CALD1: variants seen among roughly 807,000 people sequenced by gnomAD.
The protein encoded by CALD1 is caldesmon.
CALD1 carries 33 observed loss-of-function variants against 99.9 expected under a neutral mutation model. That is an observed-to-expected ratio of 0.33 (90% CI 0.25 to 0.44). The LOEUF is 0.44. Ranked by LOEUF, CALD1 falls within the 20% of genes least tolerant of loss-of-function variation. The pLI is 1.00. For missense variants in CALD1, 861 were observed against 962.1 expected (o/e 0.89, Z 1.39); for synonymous variants, 310 against 325.0 (o/e 0.95, Z 0.50).
chr7:134,864,347 C>CAAAAA (rs71172479), intron 2 of CALD1, among the ~76,000 whole-genome samples: 1 of 126,894 alleles, frequency 7.9e-6, no homozygotes. Flanking sequence ...AACTCCATCT[C>CAAAAA]AAAAAAAAAA....
intron 1 of CALD1, among the ~76,000 whole-genome samples, chr7:134,792,219 T>C (rs1797563944): frequency 6.6e-6 from 1 of 152,108 alleles, no homozygotes; most frequent in Non-Finnish European, 1.5e-5. Flanking sequence ...GTTTCACTTG[T>C]AGATGGTTAT....
intron 3 of CALD1, among the ~76,000 whole-genome samples, chr7:134,927,856 A>G (rs1805152800): frequency 6.7e-6 from 1 of 149,170 alleles, no homozygotes; most frequent in South Asian, 2.1e-4. Context: ...AGCAAAGAAG[A>G]TATCCTACTC....
chr7:134,759,201 A>C (rs1407017360), intron 1 of CALD1, among the ~76,000 whole-genome samples: 1 of 152,240 alleles, frequency 6.6e-6, no homozygotes, highest in Non-Finnish European at 1.5e-5. Context: ...TAAGAGACCA[A>C]TCATTCCACA....
At chr7:134,742,930 C>A (rs945351217), upstream of CALD1, among the ~76,000 whole-genome samples, 1 of 152,150 alleles carries the variant, frequency 6.6e-6, no homozygotes, top group Non-Finnish European at 1.5e-5. Context: ...AGAGGTCCAC[C>A]AGATATGGAG....
chr7:134,947,691 G>A lies in CALD1; in HGVS notation c.1716G>A (p.Arg572=). The A allele has an allele frequency of 6.2e-7, 1 of 1,608,328 alleles. No individual in the cohort carries two copies. Among genetic ancestry groups the A allele is most frequent in the Non-Finnish European group, 8.5e-7 (1 of 1,177,020 alleles). The change falls in exon 8 of 15, where the codon AGG becomes AGA. Residue 572 remains arginine, a synonymous_variant. Transcript: ENST00000361675. The part of the protein sequence containing the change: ...ALELEELKKK[R]EERRKVLEEE... ...AGCTGGAGGAACTCAAGAAAAAGAG[G>A]GAGGAGAGAAGGAAGGTCCTGGAGG... is the stretch of plus-strand genomic sequence containing the variant.
chr7:134,820,958 G>T (rs879573628), intron 1 of CALD1, among the ~76,000 whole-genome samples: 11 of 151,604 alleles, frequency 7.3e-5, no homozygotes, highest in Non-Finnish European at 1.2e-4. Context: ...GAAGGAGAGG[G>T]GAGGAGAAAA....
At chr7:134,906,801 G>T (rs1387258837) in intron 3 of CALD1, among the ~76,000 whole-genome samples, 4 of 152,246 alleles carry the variant, frequency 2.6e-5, no homozygotes, top group Admixed American at 2.6e-4. Context: ...TAGTCTCCTA[G>T]CAGCCCTGAT....
At chr7:134,753,825 G>A (rs7781546) in intron 1 of CALD1, among the ~76,000 whole-genome samples, 2 of 152,054 alleles carry the variant, frequency 1.3e-5, no homozygotes, top group African/African-American at 2.4e-5. Flanking sequence ...CCCAGATGCC[G>A]GCTGATCCCT....
intron 3 of CALD1, among the ~76,000 whole-genome samples, chr7:134,919,078 T>C (rs1316319696): frequency 2.0e-5 from 3 of 152,218 alleles, no homozygotes; most frequent in Non-Finnish European, 2.9e-5. Flanking sequence ...ATATAAGTCA[T>C]GATAAAAGTC....
chr7:134,727,561 T>A, the CALD1 span, among the ~76,000 whole-genome samples: 5 of 152,358 alleles, frequency 3.3e-5, no homozygotes, highest in South Asian at 6.2e-4. Context: ...AGTCCATTTT[T>A]AAAAAGTAGC....
chr7:134,954,794 T>C (rs1807638792), intron 9 of CALD1, among the ~76,000 whole-genome samples: 1 of 152,230 alleles, frequency 6.6e-6, no homozygotes, highest in South Asian at 2.1e-4. Context: ...CCACGCTGCG[T>C]GCCTTGTGGC....
intron 13 of CALD1, among the ~76,000 whole-genome samples, chr7:134,963,431 C>A (rs1808428047): frequency 6.6e-6 from 1 of 152,186 alleles, no homozygotes; most frequent in African/African-American, 2.4e-5. Flanking sequence ...TTCAGTGTTA[C>A]AATCTCAATA....
intron 1 of CALD1, among the ~76,000 whole-genome samples, chr7:134,843,611 G>T (rs903967561): frequency 2.0e-5 from 3 of 152,184 alleles, no homozygotes; most frequent in South Asian, 2.1e-4. Flanking sequence ...CAGTGAAAAA[G>T]AAACTTGGCA....
Position 134,968,840 on chromosome 7 carries a change from C to A in CALD1, c.*495C>A. 1 of 187,102 alleles carries A rather than the reference C, an allele frequency of 5.3e-6. No homozygotes were observed. Among genetic ancestry groups the A allele is most frequent in the South Asian group, 1.1e-4 (1 of 9,476 alleles). The allele number at this position is 187,102 out of a possible 1,614,324, so 11.6% of individuals were successfully genotyped here. A position where few individuals can be genotyped will look rare whatever the true frequency, so the allele number is the denominator to read the frequency against. On this transcript the variant is annotated 3_prime_UTR_variant, in exon 15 of 15. Coordinates refer to ENST00000361675, the MANE Select transcript of CALD1 (RefSeq NM_033138.4). ...AGTAACCCATTTCAGATTTGAAATA[C>A]TGCAATAATGGTTGTCTTTAAAAAA...
chr7:134,872,357 C>CAAAAAAAAAAAAAAAAAAAAAAAAAAA (rs35569742), intron 3 of CALD1, among the ~76,000 whole-genome samples: 1 of 100,404 alleles, frequency 1.0e-5, no homozygotes. Flanking sequence ...GACTCGGTCT[C>CAAAAAAAAAAAAAAAAAAAAAAAAAAA]AAAAAAAAAA....
At chr7:134,745,664 T>C in intron 1 of CALD1, 1 of 152,244 alleles carries the variant, frequency 6.6e-6, no homozygotes, top group East Asian at 1.9e-4. Flanking sequence ...CTCATGGACC[T>C]ATCCTCTCTG....
chr7:134,938,520 G>A lies in CALD1; in HGVS notation c.1387-2572G>A, dbSNP rs79853832. 3.8e-3 allele frequency among the ~76,000 whole-genome samples: 574 copies of A among 152,112 alleles called. 2 individuals are homozygous for A. The highest frequency in any genetic ancestry group is 6.1e-3 in the Non-Finnish European group (412 of 68,000). ...GCACACAAACTTTTTCAGGATACCC[G>A]GCTATCTATTAATCCTTCAGCACGG... On this transcript the variant is annotated intron_variant, in intron 6 of 14. Coordinates refer to ENST00000361675, the MANE Select transcript of CALD1 (RefSeq NM_033138.4).
chr7:134,960,479 C>A, intron 12 of CALD1, 54 bp from the exon 13 acceptor site: 1 of 1,045,166 alleles, frequency 9.6e-7, no homozygotes, highest in Non-Finnish European at 1.5e-6. Flanking sequence ...AAAATTCCTT[C>A]CCAGGTAAAG....
intron 3 of CALD1, among the ~76,000 whole-genome samples, chr7:134,868,901 G>T (rs1008003053): frequency 6.6e-6 from 1 of 152,092 alleles, no homozygotes; most frequent in Non-Finnish European, 1.5e-5. Context: ...TATAAAACAG[G>T]CATAATATCT....
Sources: gnomAD v4.1 joint callset for allele counts (sites outside exome capture counted in the v4.1 genomes callset) on GRCh38, gnomAD v4.1.1 for gene constraint, MANE v1.5 for transcripts, NCBI Gene and HGNC (gene_info 2026-07-23, HGNC 2026-07-21) for gene names.